The following MGMT variants were observed in gnomAD, a reference collection of about 807,000 sequenced individuals.
MGMT encodes O-6-methylguanine-DNA methyltransferase, also known as methylated-DNA--protein-cysteine methyltransferase.
MGMT carries 14 observed loss-of-function variants against 15.9 expected under a neutral mutation model. The observed-to-expected ratio is 0.88, with a 90% CI of 0.58 to 1.37. MGMT has a LOEUF of 1.37. Among genes scored for constraint, MGMT ranks in the 40% most tolerant of loss-of-function variants. The pLI is 0.00. For missense variants in MGMT, 282 were observed against 268.1 expected (o/e 1.05, Z -0.36); for synonymous variants, 130 against 118.2 (o/e 1.10, Z -0.65).
intron 1 of MGMT, among the ~76,000 whole-genome samples, chr10:129,526,160 C>T (rs1357844549): frequency 2.0e-5 from 3 of 152,206 alleles, no homozygotes; most frequent in Non-Finnish European, 4.4e-5. Context: ...GAGCATCAGC[C>T]ACACCACGTG....
At chr10:129,698,030 T>TG (rs1230603176) in intron 2 of MGMT, among the ~76,000 whole-genome samples, 2 of 152,184 alleles carry the variant, frequency 1.3e-5, no homozygotes, top group African/African-American at 4.8e-5. Flanking sequence ...ACGTGGACGT[T>TG]GACTCTCCAT....
intron 3 of MGMT, among the ~76,000 whole-genome samples, chr10:129,729,339 T>C (rs1848470693): frequency 6.6e-6 from 1 of 152,192 alleles, no homozygotes; most frequent in African/African-American, 2.4e-5. Flanking sequence ...TCGCAATGTC[T>C]TGCTAGCCTG....
intron 2 of MGMT, among the ~76,000 whole-genome samples, chr10:129,625,849 A>G (rs117804332): frequency 1.6e-3 from 242 of 152,290 alleles, no homozygotes; most frequent in Non-Finnish European, 2.9e-3. Context: ...CAAGTGCTCT[A>G]CCTTCAAGTT....
At chr10:129,631,667 A>G (rs1371650473) in intron 2 of MGMT, among the ~76,000 whole-genome samples, 1 of 152,108 alleles carries the variant, frequency 6.6e-6, no homozygotes, top group Non-Finnish European at 1.5e-5. Context: ...CACCAAAAAT[A>G]CAAAAAATTA....
At chr10:129,722,666 G>C (rs1848385162) in intron 3 of MGMT, among the ~76,000 whole-genome samples, 1 of 152,140 alleles carries the variant, frequency 6.6e-6, no homozygotes, top group African/African-American at 2.4e-5. Flanking sequence ...TGTTTTTTCA[G>C]TTCTTGTATC....
chr10:129,707,942 CCCTG>C lies in MGMT; in HGVS notation c.174_177del (p.Leu59CysfsTer7). 6.2e-7 allele frequency: 1 copy of C among 1,612,836 alleles called. No homozygotes were observed. The highest frequency in any genetic ancestry group is 8.5e-7 in the Non-Finnish European group (1 of 1,179,976). On this transcript the variant is annotated frameshift_variant, in exon 3 of 5. Transcript: ENST00000651593. LOFTEE classifies it high-confidence loss of function. Reference sequence around the variant, plus strand: ...GCTGCGGTTCTCGGAGGTCCGGAGCCCCTGATGCAGTGCACAGCCTGGCTGAATG... The same window carrying C: ...GCTGCGGTTCTCGGAGGTCCGGAGCCATGCAGTGCACAGCCTGGCTGAATG...
chr10:129,678,408 A>G (rs925388232), intron 2 of MGMT, among the ~76,000 whole-genome samples: 1 of 152,036 alleles, frequency 6.6e-6, no homozygotes, highest in African/African-American at 2.4e-5. Context: ...TTGCTGGTGC[A>G]GATTGGAGGG....
At chr10:129,576,349 G>C (rs1361428209) in intron 2 of MGMT, among the ~76,000 whole-genome samples, 2 of 152,114 alleles carry the variant, frequency 1.3e-5, no homozygotes, top group Admixed American at 6.5e-5. Context: ...GATCAAGTGG[G>C]CTTCATCCCT....
rs1848986165 is a variant in MGMT at position 129,770,288 on chromosome 10, A to G, written c.*3291A>G. On this transcript the variant is annotated 3_prime_UTR_variant, in exon 5 of 5. Coordinates refer to ENST00000651593, the MANE Select transcript of MGMT (RefSeq NM_002412.5). ...TAAGGATAAAATCCCATCCACCTGA[A>G]TTGCTGAGAAACGTAAGAGGTGGTG... Among the ~76,000 whole-genome samples the G allele has an allele frequency of 6.6e-6, 1 of 152,222 alleles. No homozygotes were observed. The highest frequency in any genetic ancestry group is 1.5e-5 in the Non-Finnish European group (1 of 68,040).
intron 2 of MGMT, among the ~76,000 whole-genome samples, chr10:129,567,494 T>A (rs1400773540): frequency 6.6e-6 from 1 of 151,974 alleles, no homozygotes; most frequent in Admixed American, 6.6e-5. Context: ...CTAAGAAGAT[T>A]CAGGAATGGG....
chr10:129,488,259 T>C (rs1589832444), intron 1 of MGMT, among the ~76,000 whole-genome samples: 1 of 152,272 alleles, frequency 6.6e-6, no homozygotes, highest in African/African-American at 2.4e-5. Flanking sequence ...ATCATGCTAC[T>C]AACACTGCTA....
chr10:129,711,981 A>C (rs1048998518), intron 3 of MGMT, among the ~76,000 whole-genome samples: 1 of 152,216 alleles, frequency 6.6e-6, no homozygotes, highest in African/African-American at 2.4e-5. Context: ...CTTCTGGAGA[A>C]GCTGTAGGGG....
chr10:129,674,820 G>A (rs1311202437), intron 2 of MGMT, among the ~76,000 whole-genome samples: 1 of 152,186 alleles, frequency 6.6e-6, no homozygotes, highest in African/African-American at 2.4e-5. Context: ...GTTGGGGTCC[G>A]TGCTAGGAAC....
chr10:129,712,378 C>T (rs1018400311), intron 3 of MGMT, among the ~76,000 whole-genome samples: 35 of 152,236 alleles, frequency 2.3e-4, no homozygotes, highest in Non-Finnish European at 2.9e-4. Flanking sequence ...ATAATTCCTT[C>T]GTCACAGCTA....
Position 129,532,684 on chromosome 10 carries a change from C to T in MGMT, c.-12-3557C>T, listed in dbSNP as rs1845944900. Among the ~76,000 whole-genome samples the T allele has an allele frequency of 2.6e-5, 4 of 152,132 alleles. No homozygotes were observed. ...ATTGGGGGTGAACTCGAGGTGTGGT[C>T]TGTGCAGAATGGCGTGACAGCCCTT... is the stretch of plus-strand genomic sequence containing the variant. On this transcript the variant is annotated intron_variant, in intron 1 of 4. Coordinates refer to ENST00000651593, the MANE Select transcript of MGMT (RefSeq NM_002412.5). The surrounding 1 kb of genome is among the most constrained non-coding windows in gnomAD (Gnocchi z 5.3).
chr10:129,697,765 G>A lies in MGMT; in HGVS notation c.126-10130G>A, dbSNP rs370059314. ...TGGAACTTCTGGAGTCAGCCACCTT[G>A]CCTGTGGCTGACCTTGGCTGTGTTC... On this transcript the variant is annotated intron_variant, in intron 2 of 4. Transcript: ENST00000651593. Among the ~76,000 whole-genome samples, 479 of 152,286 alleles carry A rather than the reference G, an allele frequency of 3.1e-3. 2 individuals carry two copies. The highest frequency in any genetic ancestry group is 0.011 in the African/African-American group (471 of 41,560).
chr10:129,584,824 C>G (rs992813444), intron 2 of MGMT, among the ~76,000 whole-genome samples: 16 of 152,184 alleles, frequency 1.1e-4, no homozygotes, highest in Non-Finnish European at 2.2e-4. Flanking sequence ...GAACTTAATT[C>G]CCTGCGGCCA....
intron 4 of MGMT, 83 bp downstream of exon 4, chr10:129,759,424 CGGAA>C: frequency 6.3e-7 from 1 of 1,590,816 alleles, no homozygotes; most frequent in Non-Finnish European, 8.6e-7. Context: ...CGTGTTTCCT[CGGAA>C]GGCAGGCTGT....
At chr10:129,493,299 C>G (rs541514035) in intron 1 of MGMT, among the ~76,000 whole-genome samples, 24 of 152,220 alleles carry the variant, frequency 1.6e-4, no homozygotes, top group Middle Eastern at 3.4e-3. Context: ...GTCAGGGAGG[C>G]CCCAGTGGAG....
Sources: gnomAD v4.1 joint callset for allele counts (sites outside exome capture counted in the v4.1 genomes callset) on GRCh38, gnomAD v4.1.1 for gene constraint, Gnocchi (gnomAD v3.1) non-coding constraint, MANE v1.5 for transcripts, NCBI Gene and HGNC (gene_info 2026-07-23, HGNC 2026-07-21) for gene names.